Variants in CNOT1 observed in about 807,000 individuals in gnomAD.
CNOT1 encodes the protein CCR4-NOT transcription complex subunit 1.
Under a neutral mutation model 273.8 loss-of-function variants are expected in CNOT1, and 15 were observed. The ratio of observed to expected loss-of-function variants is 0.05; its 90% CI spans 0.04 to 0.08. The LOEUF is 0.08. Ranked by LOEUF, CNOT1 falls within the 10% of genes least tolerant of loss-of-function variation. The pLI, the probability that CNOT1 is intolerant of heterozygous loss-of-function variation, is 1.00. For synonymous variants in CNOT1, 1,022 were observed against 1,005.5 expected (o/e 1.02, Z -0.31); for missense variants, 1,644 against 2,912.2 (o/e 0.56, Z 10.02).
chr16:58,624,436 T>A (rs970241364), intron 1 of CNOT1, among the ~76,000 whole-genome samples: 3 of 152,258 alleles, frequency 2.0e-5, no homozygotes, highest in African/African-American at 7.2e-5. Context: ...ACAGGTATGC[T>A]GGAGGTTAGT....
intron 16 of CNOT1, among the ~76,000 whole-genome samples, chr16:58,572,785 A>G (rs544299085): frequency 6.6e-6 from 1 of 151,710 alleles, no homozygotes. Context: ...GCATGTCTCT[A>G]TAGTCCAAGC....
intron 16 of CNOT1, among the ~76,000 whole-genome samples, chr16:58,566,075 G>C (rs2041031492): frequency 6.6e-6 from 1 of 152,050 alleles, no homozygotes; most frequent in African/African-American, 2.4e-5. Flanking sequence ...TGCATTTTAT[G>C]AAACACATGA....
intron 8 of CNOT1, 128 bp from the exon 9 acceptor site, chr16:58,583,310 G>A (rs2041715395): frequency 6.8e-7 from 1 of 1,459,992 alleles, no homozygotes; most frequent in African/African-American, 1.4e-5. Context: ...AGCAGTAAGT[G>A]TTATTTCTTG....
At position 58,574,763 on chromosome 16, in the gene CNOT1, G is replaced by A; in HGVS notation, c.1828-3C>T. On this transcript the variant is annotated splice_polypyrimidine_tract_variant and splice_region_variant and intron_variant, in intron 15 of 48. Coordinates refer to ENST00000317147, the MANE Select transcript of CNOT1 (RefSeq NM_016284.5). Reference sequence around the variant, plus strand: ...ATACACGCCTGGATAAAAGGCTCCTGAAGAATAGAAAAGTCTCTCAGTGTA... The same window carrying A: ...ATACACGCCTGGATAAAAGGCTCCTAAAGAATAGAAAAGTCTCTCAGTGTA... 1 of 1,589,854 alleles carries A rather than the reference G, an allele frequency of 6.3e-7. No homozygotes were observed. The highest frequency in any genetic ancestry group is 1.2e-5 in the South Asian group (1 of 86,186).
intron 2 of CNOT1, among the ~76,000 whole-genome samples, chr16:58,590,412 G>A (rs1158278413): frequency 6.6e-6 from 1 of 152,078 alleles, no homozygotes. Context: ...CAGAAAATAT[G>A]GAAGTTAAGA....
intron 1 of CNOT1, among the ~76,000 whole-genome samples, chr16:58,628,882 G>A (rs898586797): frequency 1.1e-4 from 16 of 152,224 alleles, no homozygotes; most frequent in Non-Finnish European, 1.6e-4. Flanking sequence ...CTGCAAAGGA[G>A]GTGGTACTGA....
Position 58,609,093 on chromosome 16 carries a change from G to A in CNOT1, c.-174-9582C>T, listed in dbSNP as rs550837480. Among the ~76,000 whole-genome samples, 10 of 152,286 alleles carry A rather than the reference G, an allele frequency of 6.6e-5. 2 individuals are homozygous for A. The highest frequency in any genetic ancestry group is 1.9e-4 in the African/African-American group (8 of 41,572). The stretch of plus-strand genomic sequence containing the variant: ...CAGATCACCACTAAAGAACTTACTC[G>A]CCAGGGGCAGTGGCTCATGCCTGTA... On this transcript the variant is annotated intron_variant, in intron 1 of 48. Transcript: ENST00000317147.
intron 27 of CNOT1, 116 bp from the exon 28 acceptor site, chr16:58,546,865 A>C: frequency 7.7e-7 from 1 of 1,304,798 alleles, no homozygotes; most frequent in Non-Finnish European, 1.1e-6. Context: ...TAAAAAACAA[A>C]AAACAAGGAT....
chr16:58,529,950 A>G (rs1567387505), intron 43 of CNOT1, among the ~76,000 whole-genome samples: 1 of 152,034 alleles, frequency 6.6e-6, no homozygotes, highest in Non-Finnish European at 1.5e-5. Flanking sequence ...TGAAAAACAG[A>G]TAATACCAGG....
chr16:58,550,961 C>G (rs2040431219), intron 24 of CNOT1, among the ~76,000 whole-genome samples, 171 bp downstream of exon 24: 1 of 152,030 alleles, frequency 6.6e-6, no homozygotes, highest in African/African-American at 2.4e-5. Flanking sequence ...AAAACAAAAC[C>G]TTAAAAACTG....
rs2041628159 is a variant in CNOT1 at position 58,580,752 on chromosome 16, G to A, written c.1224C>T (p.Phe408=). The part of the protein sequence containing the change: ...PWKHAEGQLS[F]IQHSLINPEI... ...CTGGATTTATAAGGGAATGTTGAAT[G>A]AAGGAGAGCTGCAATGAAAGAAAAT... is the stretch of plus-strand genomic sequence containing the variant. The change falls in exon 12 of 49, where the codon TTC becomes TTT. Residue 408 remains phenylalanine (F), a synonymous_variant. Transcript: ENST00000317147. The A allele has an allele frequency of 1.2e-5, 19 of 1,610,028 alleles. No homozygotes were observed. Among genetic ancestry groups the A allele is most frequent in the Non-Finnish European group, 1.5e-5 (18 of 1,178,342 alleles).
chr16:58,537,020 C>T lies in CNOT1; in HGVS notation c.5615G>A (p.Ser1872Asn). 6.2e-7 allele frequency: 1 copy of T among 1,614,224 alleles called. No individual in the cohort carries two copies. Among genetic ancestry groups the T allele is most frequent in the Non-Finnish European group, 8.5e-7 (1 of 1,180,042 alleles). The change falls in exon 39 of 49, where the codon AGT becomes AAT. Residue 1872 changes from serine to asparagine, a missense_variant. By Grantham distance (46) the Ser-to-Asn change is conservative. Transcript: ENST00000317147. ...AACAAATGCAGAGAAAGCTTTGGTA[C>T]TGTCGCGGCCAGCTGCTGCTGAATG... ...LYHSAAAGRDSTKAFSAFVGQ... is the reference protein window; with the variant it reads ...LYHSAAAGRDNTKAFSAFVGQ...
chr16:58,541,138 G>C (rs2040080471), intron 34 of CNOT1, among the ~76,000 whole-genome samples: 1 of 152,180 alleles, frequency 6.6e-6, no homozygotes, highest in South Asian at 2.1e-4. Flanking sequence ...CTGGGAGGTG[G>C]AGGTTGCAAT....
chr16:58,581,979 AAT>A (rs1227923596), intron 10 of CNOT1, among the ~76,000 whole-genome samples: 1 of 152,038 alleles, frequency 6.6e-6, no homozygotes, highest in African/African-American at 2.4e-5. Flanking sequence ...ACTACCTTTT[AAT>A]ATCTAAAAGT....
chr16:58,548,558 G>C (rs1423406088), intron 25 of CNOT1: 3 of 519,158 alleles, frequency 5.8e-6, no homozygotes, highest in South Asian at 1.4e-5. Context: ...GTGCAACAGA[G>C]AGCCAGGAAT....
chr16:58,625,918 T>G (rs116386661), intron 1 of CNOT1, among the ~76,000 whole-genome samples: 87 of 151,946 alleles, frequency 5.7e-4, no homozygotes, highest in African/African-American at 2.0e-3. Context: ...TGAGCCCCTT[T>G]TAACTTTCAA....
In CNOT1 at chr16:58,600,954, T is replaced by C. The variant is rs13333560; in HGVS notation, c.-174-1443A>G. On this transcript the variant is annotated intron_variant, in intron 1 of 48. Transcript: ENST00000317147. The stretch of plus-strand genomic sequence containing the variant: ...AGATCCCATCTCTATTCTGTTGTTG[T>C]TGCTGTTGTTGTTGTTTTTGAGACA... 3.4e-3 allele frequency among the ~76,000 whole-genome samples: 520 copies of C among 152,282 alleles called. 2 individuals are homozygous for C. The highest frequency in any genetic ancestry group is 0.012 in the African/African-American group (488 of 41,548).
rs1222256986 is a variant in CNOT1, at chr16:58,614,158, T to A, written c.-174-14647A>T. Among the ~76,000 whole-genome samples, 7 of 120,826 alleles carry A rather than the reference T, an allele frequency of 5.8e-5. 1 individual carries two copies. Among genetic ancestry groups the A allele is most frequent in the African/African-American group, 2.0e-4 (7 of 35,680 alleles). 79.3% of individuals were successfully genotyped at this position (120,826 alleles called of 152,430 possible). On this transcript the variant is annotated intron_variant, in intron 1 of 48. Coordinates refer to ENST00000317147, the MANE Select transcript of CNOT1 (RefSeq NM_016284.5). ...AAAATATTATGCCAGTAGCTTTGCA[T>A]ATTCCAAGACTCTCTATGCAAAATC...
intron 44 of CNOT1, 68 bp downstream of exon 44, chr16:58,528,407 G>C (rs1014163838): frequency 1.8e-6 from 2 of 1,116,610 alleles, no homozygotes; most frequent in African/African-American, 3.1e-5. Context: ...GTGCTGAACA[G>C]TCTACTTATC....
Sources: gnomAD v4.1 joint callset for allele counts (sites outside exome capture counted in the v4.1 genomes callset) on GRCh38, gnomAD v4.1.1 for gene constraint, MANE v1.5 for transcripts, NCBI Gene and HGNC (gene_info 2026-07-23, HGNC 2026-07-21) for gene names.